Variants in RIMS3 observed in about 807,000 individuals in gnomAD.
RIMS3 encodes regulating synaptic membrane exocytosis protein 3.
In RIMS3, 15 loss-of-function variants were observed where a neutral mutation model predicts 29.2. The ratio of observed to expected loss-of-function variants is 0.51; its 90% CI spans 0.34 to 0.79. The LOEUF (loss-of-function observed/expected upper bound fraction) is 0.79, where lower values mean the gene tolerates loss of function less well. Among genes scored for constraint, RIMS3 ranks in the 30% least tolerant of loss-of-function variants. RIMS3 has a pLI of 0.01. For synonymous variants in RIMS3, 161 were observed against 170.1 expected (o/e 0.95, Z 0.41); for missense variants, 342 against 421.4 (o/e 0.81, Z 1.65).
At chr1:40,647,026 G>A (rs1310915994) in intron 2 of RIMS3, among the ~76,000 whole-genome samples, 4 of 151,958 alleles carry the variant, frequency 2.6e-5, no homozygotes, top group Admixed American at 6.6e-5. Flanking sequence ...GACTACAGGC[G>A]CCCACTACCA....
chr1:40,636,531 CA>C lies in RIMS3; in HGVS notation c.218-475del, dbSNP rs774626279. Among the ~76,000 whole-genome samples, 9 of 152,326 alleles carry C rather than the reference CA, an allele frequency of 5.9e-5. No homozygotes were observed. The highest frequency in any genetic ancestry group is 8.8e-5 in the Non-Finnish European group (6 of 68,026). On this transcript the variant is annotated intron_variant, in intron 3 of 7. Transcript: ENST00000372684. This position sits in a 1 kb window ranked among gnomAD's most constrained non-coding sequence, Gnocchi z 4.2. ...CCTATCACACCCAGACCTCACAACT[CA>C]CCTCTGATACCTCTGGAGGCTCTAT...
At chr1:40,629,395 T>C (rs1170832078) in intron 5 of RIMS3, 23 bp from the exon 6 acceptor site, 1 of 1,598,918 alleles carries the variant, frequency 6.3e-7, no homozygotes, top group Non-Finnish European at 8.6e-7. Flanking sequence ...AGAGGGTGAG[T>C]CCAGGCAGGG....
rs1018445691 is a variant in RIMS3, at chr1:40,625,803, G to C, written c.*714C>G. 6.5e-6 allele frequency: 1 copy of C among 152,946 alleles called. No homozygotes were observed. Among genetic ancestry groups the C allele is most frequent in the African/African-American group, 2.4e-5 (1 of 41,432 alleles). The allele number at this position is 152,946 out of a possible 1,614,324, so 9.5% of individuals were successfully genotyped here. A position where few individuals can be genotyped will look rare whatever the true frequency, so the allele number is the denominator to read the frequency against. On this transcript the variant is annotated 3_prime_UTR_variant, in exon 8 of 8. Coordinates refer to ENST00000372684, the MANE Select transcript of RIMS3 (RefSeq NM_014747.3). ...TCGTGCTTCACTGGAAGAAGGAGGAGGTTCCAGCCTCATAGAGAAAGTCAT... is the reference window on the plus strand; with the variant it reads ...TCGTGCTTCACTGGAAGAAGGAGGACGTTCCAGCCTCATAGAGAAAGTCAT...
At chr1:40,632,396 A>G (rs1484466390) in intron 5 of RIMS3, among the ~76,000 whole-genome samples, 1 of 144,342 alleles carries the variant, frequency 6.9e-6, no homozygotes, top group African/African-American at 2.5e-5. Flanking sequence ...ACGGTTTTCC[A>G]TATGAAAAAA....
At chr1:40,684,702 C>T in the RIMS3 span, among the ~76,000 whole-genome samples, 1 of 152,216 alleles carries the variant, frequency 6.6e-6, no homozygotes, top group Non-Finnish European at 1.5e-5. Flanking sequence ...TGGAGAATGT[C>T]TCTCTAGACA....
intron 3 of RIMS3, among the ~76,000 whole-genome samples, chr1:40,641,075 C>T (rs1291700293): frequency 1.3e-5 from 2 of 152,224 alleles, no homozygotes; most frequent in Non-Finnish European, 2.9e-5. Flanking sequence ...ATACATGGGA[C>T]TACAGAACTG....
intron 5 of RIMS3, 64 bp downstream of exon 5, chr1:40,633,005 G>A: frequency 1.5e-6 from 2 of 1,301,994 alleles, no homozygotes; most frequent in South Asian, 1.2e-5. Flanking sequence ...GGCCCCCACT[G>A]AGCTCACCCT....
At chr1:40,667,848 G>T (rs1301311262), upstream of RIMS3, among the ~76,000 whole-genome samples, 1 of 152,204 alleles carries the variant, frequency 6.6e-6, no homozygotes, top group Non-Finnish European at 1.5e-5. Flanking sequence ...AGCACTTCAG[G>T]CCCGGCACAG....
chr1:40,661,987 C>T (rs1642357853), intron 1 of RIMS3, among the ~76,000 whole-genome samples: 1 of 152,192 alleles, frequency 6.6e-6, no homozygotes, highest in African/African-American at 2.4e-5. Context: ...ACATAAACAA[C>T]CGGTTCCCTG....
chr1:40,672,156 C>T, the RIMS3 span, among the ~76,000 whole-genome samples: 1 of 151,816 alleles, frequency 6.6e-6, no homozygotes, highest in Non-Finnish European at 1.5e-5. Context: ...CTCAATCACC[C>T]CATCTTTGAG....
In RIMS3 at chr1:40,623,396, G is replaced by C; in HGVS notation, c.*3121C>G. 2.5e-6 allele frequency: 1 copy of C among 398,620 alleles called. No homozygotes were observed. The highest frequency in any genetic ancestry group is 4.4e-6 in the Non-Finnish European group (1 of 226,072). 24.7% of individuals were successfully genotyped at this position (398,620 alleles called of 1,614,324 possible). A position where few individuals can be genotyped will look rare whatever the true frequency, so the allele number is the denominator to read the frequency against. On this transcript the variant is annotated 3_prime_UTR_variant, in exon 8 of 8. Coordinates refer to ENST00000372684, the MANE Select transcript of RIMS3 (RefSeq NM_014747.3). ...TGAAGAAAGTGGGACAGAATGAACA[G>C]AGCAGAAATACAAAGACAGACGCTC...
At chr1:40,663,664 G>T (rs998824995) in intron 1 of RIMS3, among the ~76,000 whole-genome samples, 1 of 152,174 alleles carries the variant, frequency 6.6e-6, no homozygotes, top group East Asian at 1.9e-4. Context: ...TGGGTTCTGC[G>T]CAGTAAAATC....
the RIMS3 span, chr1:40,692,011 T>C: frequency 3.9e-6 from 1 of 253,666 alleles, no homozygotes; most frequent in Admixed American, 6.1e-5. Flanking sequence ...CGCCGCCATG[T>C]TGTGCTCTTG....
rs1225952800 is a variant in RIMS3 at position 40,622,210 on chromosome 1, T to C, written c.*4307A>G. ...AGAGTTGGTGCCCAAGGAGGCCAAGTTGCTCTCTTTGGCATCACTGACATT... is the reference window on the plus strand; with the variant it reads ...AGAGTTGGTGCCCAAGGAGGCCAAGCTGCTCTCTTTGGCATCACTGACATT... On this transcript the variant is annotated 3_prime_UTR_variant, in exon 8 of 8. Transcript: ENST00000372684. 1 of 152,682 alleles carries C rather than the reference T, an allele frequency of 6.5e-6. No individual in the cohort carries two copies. The highest frequency in any genetic ancestry group is 1.5e-5 in the Non-Finnish European group (1 of 68,048). The allele number at this position is 152,682 out of a possible 1,614,324, so 9.5% of individuals were successfully genotyped here.
At chr1:40,642,758 C>T (rs936542584) in intron 2 of RIMS3, among the ~76,000 whole-genome samples, 2 of 150,644 alleles carry the variant, frequency 1.3e-5, no homozygotes, top group East Asian at 3.9e-4. Context: ...GAGTTCGAGA[C>T]CAGCCTGACC....
At position 40,636,931 on chromosome 1, in the gene RIMS3, C is replaced by T. The variant is rs1646524187; in HGVS notation, c.218-874G>A. On this transcript the variant is annotated intron_variant, in intron 3 of 7. Transcript: ENST00000372684. This position sits in a 1 kb window ranked among gnomAD's most constrained non-coding sequence, Gnocchi z 4.2. ...GCAGTGTGGTCCCTCTAGACACCCT[C>T]TCCTCCTGGCGGGGGGCGGATGGGG... Among the ~76,000 whole-genome samples, 1 of 152,226 alleles carries T rather than the reference C, an allele frequency of 6.6e-6. No homozygotes were observed. The highest frequency in any genetic ancestry group is 6.5e-5 in the Admixed American group (1 of 15,280).
chr1:40,648,936 A>G (rs1646612742), intron 1 of RIMS3, among the ~76,000 whole-genome samples: 1 of 152,202 alleles, frequency 6.6e-6, no homozygotes, highest in Non-Finnish European at 1.5e-5. Flanking sequence ...ACCTGTGCCA[A>G]TCTGTGCCCC....
At position 40,631,734 on chromosome 1, in the gene RIMS3, C is replaced by A. The variant is rs180843798; in HGVS notation, c.472+1335G>T. ...GTGGCTTATGCCTGTAATCCCGGTA[C>A]TTTGGGAGGCTGAGGTGGATGAGGT... On this transcript the variant is annotated intron_variant, in intron 5 of 7. Coordinates refer to ENST00000372684, the MANE Select transcript of RIMS3 (RefSeq NM_014747.3). 8.8e-4 allele frequency among the ~76,000 whole-genome samples: 133 copies of A among 151,936 alleles called. 1 individual carries two copies. The East Asian group carries it at 0.019, about 22-fold the overall frequency.
upstream of RIMS3, among the ~76,000 whole-genome samples, chr1:40,666,701 A>C (rs943004374): frequency 2.6e-5 from 4 of 152,120 alleles, no homozygotes; most frequent in African/African-American, 9.7e-5. Context: ...GGCATGTAAA[A>C]CCAGTAGTCT....
Sources: gnomAD v4.1 joint callset for allele counts (sites outside exome capture counted in the v4.1 genomes callset) on GRCh38, gnomAD v4.1.1 for gene constraint, Gnocchi (gnomAD v3.1) non-coding constraint, MANE v1.5 for transcripts, NCBI Gene and HGNC (gene_info 2026-07-23, HGNC 2026-07-21) for gene names.